Variants in ZNF420 observed in about 807,000 individuals in gnomAD.
ZNF420 encodes the protein ATM and p53-associated KZNF protein.
ZNF420 carries 31 observed loss-of-function variants against 44.7 expected under a neutral mutation model. The observed-to-expected ratio is 0.69, with a 90% CI of 0.52 to 0.94. The LOEUF is 0.94. ZNF420 is among the 40% of genes least tolerant of loss of function. The probability of loss-of-function intolerance (pLI) is 0.00; values close to 1 mark genes in which losing one functional copy is unlikely to be tolerated. For synonymous variants in ZNF420, 245 were observed against 267.4 expected, an observed-to-expected ratio of 0.92 and a Z score of 0.82; for missense variants, 681 against 827.9, an observed-to-expected ratio of 0.82 and a Z score of 2.18.
At chr19:37,020,866 T>C (rs1316641667) in intron 1 of ZNF420, among the ~76,000 whole-genome samples, 1 of 152,104 alleles carries the variant, frequency 6.6e-6, no homozygotes, top group Non-Finnish European at 1.5e-5. Context: ...AGTAGAATGG[T>C]GGTTGGCAGG....
At chr19:37,088,961 C>A in intron 2 of ZNF420, 78 bp from the exon 3 acceptor site, 1 of 695,360 alleles carries the variant, frequency 1.4e-6, no homozygotes, top group Non-Finnish European at 2.6e-6. Context: ...AAGAAAAGAA[C>A]AACAAAGATA....
Position 37,072,289 on chromosome 19 carries a change from T to C in ZNF420, c.-124-8056T>C, listed in dbSNP as rs1328985087. On this transcript the variant is annotated intron_variant, in intron 1 of 4. Coordinates refer to the ZNF420 transcript ENST00000587029. ...GCTGTGGAATTAAGACCCATTTCCA[T>C]GGTTGTCAGGGAAGCAAGGCCATCC... 3.3e-5 allele frequency among the ~76,000 whole-genome samples: 5 copies of C among 152,304 alleles called. No homozygotes were observed. In the East Asian group the frequency reaches 5.8e-4, roughly 18 times the overall value.
chr19:37,025,734 A>G (rs1250480237), intron 1 of ZNF420, among the ~76,000 whole-genome samples: 2 of 150,324 alleles, frequency 1.3e-5, no homozygotes, highest in Non-Finnish European at 3.0e-5. Flanking sequence ...TTTTACCAGG[A>G]TACCACTTAA....
At chr19:37,018,471 G>T (rs898545128) in intron 1 of ZNF420, among the ~76,000 whole-genome samples, 3 of 152,118 alleles carry the variant, frequency 2.0e-5, no homozygotes, top group Non-Finnish European at 4.4e-5. Context: ...TATCAACAAG[G>T]GTGCCAAGAT....
At chr19:37,088,908 G>C (rs35162188) in intron 2 of ZNF420, 131 bp from the exon 3 acceptor site, 1 of 557,838 alleles carries the variant, frequency 1.8e-6, no homozygotes, top group African/African-American at 1.9e-5. Context: ...CACAACATAT[G>C]TCTGTCCCCC....
chr19:37,044,289 G>C (rs1015407649), intron 1 of ZNF420, among the ~76,000 whole-genome samples: 5 of 152,180 alleles, frequency 3.3e-5, no homozygotes, highest in African/African-American at 1.2e-4. Flanking sequence ...GGCCAAGGCA[G>C]GAGGATCACT....
intron 1 of ZNF420, among the ~76,000 whole-genome samples, chr19:37,028,231 A>C (rs1318756077): frequency 2.0e-5 from 3 of 152,208 alleles, no homozygotes; most frequent in African/African-American, 4.8e-5. Context: ...AGCAAAGGGC[A>C]GATACAGATG....
intron 4 of ZNF420, among the ~76,000 whole-genome samples, chr19:37,125,785 A>G (rs73620811): frequency 0.1 from 2,937 of 29,432 alleles, 78 homozygotes; most frequent in African/African-American, 0.25. Context: ...TTGAATCACC[A>G]TAATCCAAAT....
At position 37,128,904 on chromosome 19, in the gene ZNF420, C is replaced by A; in HGVS notation, c.1913C>A (p.Thr638Asn). The A allele has an allele frequency of 6.2e-7, 1 of 1,614,066 alleles. No individual in the cohort carries two copies. Among genetic ancestry groups the A allele is most frequent in the African/African-American group, 1.3e-5 (1 of 75,020 alleles). Residue 638 changes from threonine to asparagine, a missense_variant, in exon 5 of 5, where the codon ACT becomes AAT. Coordinates refer to ENST00000337995, the MANE Select transcript of ZNF420 (RefSeq NM_144689.5). Reference protein sequence around the residue: ...SHLSRHQRIHTGEKPYQCKEC... With the variant: ...SHLSRHQRIHNGEKPYQCKEC... ...CTTTCTCGGCATCAGAGAATTCATA[C>A]TGGTGAGAAACCATATCAATGTAAG...
chr19:37,108,419 C>T (rs1970213204), intron 4 of ZNF420: 1 of 152,180 alleles, frequency 6.6e-6, no homozygotes, highest in Non-Finnish European at 1.5e-5. Flanking sequence ...TGCAAGTAAA[C>T]AATCTGCAAT....
intron 4 of ZNF420, among the ~76,000 whole-genome samples, chr19:37,123,042 C>A (rs929975986): frequency 2.0e-5 from 3 of 152,204 alleles, no homozygotes; most frequent in Non-Finnish European, 4.4e-5. Context: ...TCCAACCTTT[C>A]AGGCAAAACC....
intron 1 of ZNF420, among the ~76,000 whole-genome samples, chr19:37,052,345 C>G (rs1350045503): frequency 6.6e-6 from 1 of 151,838 alleles, no homozygotes; most frequent in Non-Finnish European, 1.5e-5. Flanking sequence ...TTAATTGGAG[C>G]ATTTAGCCCA....
intron 4 of ZNF420, among the ~76,000 whole-genome samples, chr19:37,119,531 A>T (rs891742428): frequency 4.6e-5 from 7 of 152,232 alleles, no homozygotes; most frequent in African/African-American, 1.7e-4. Context: ...AAAGATTCAA[A>T]ATGGACACCC....
chr19:37,092,011 G>T (rs912951936), intron 4 of ZNF420: 1 of 152,074 alleles, frequency 6.6e-6, no homozygotes, highest in Non-Finnish European at 1.5e-5. Context: ...AGTTGAGGGG[G>T]AACCTGTGAT....
chr19:37,017,362 C>G (rs139437664), intron 1 of ZNF420, among the ~76,000 whole-genome samples: 1 of 152,262 alleles, frequency 6.6e-6, no homozygotes, highest in Non-Finnish European at 1.5e-5. Flanking sequence ...AAGCCCCACA[C>G]AAGTGGTATG....
chr19:37,102,926 T>A (rs1969861867), intron 4 of ZNF420, among the ~76,000 whole-genome samples: 1 of 152,244 alleles, frequency 6.6e-6, no homozygotes, highest in Admixed American at 6.5e-5. Flanking sequence ...TATTTTCAAA[T>A]AATTTTGGTA....
In ZNF420 at chr19:37,127,889, A is replaced by T; in HGVS notation, c.898A>T (p.Ile300Phe). 1 of 1,613,952 alleles carries T rather than the reference A, an allele frequency of 6.2e-7. No homozygotes were observed. Among genetic ancestry groups the T allele is most frequent in the Non-Finnish European group, 8.5e-7 (1 of 1,179,954 alleles). The change falls in exon 5 of 5, where the codon ATT becomes TTT. Residue 300 changes from isoleucine to phenylalanine, a missense_variant. Coordinates refer to ENST00000337995, the MANE Select transcript of ZNF420 (RefSeq NM_144689.5). ...QLSQLILHKR[I>F]HTGEKPYECK... ...CTCACAACTTATTCTGCATAAGAGA[A>T]TTCATACCGGTGAGAAACCCTATGA... is the stretch of plus-strand genomic sequence containing the variant.
chr19:37,091,022 A>G lies in ZNF420; in HGVS notation c.37A>G (p.Ile13Val), dbSNP rs2146539247. The G allele has an allele frequency of 6.2e-7, 1 of 1,613,442 alleles. No individual in the cohort carries two copies. Among genetic ancestry groups the G allele is most frequent in the Non-Finnish European group, 8.5e-7 (1 of 1,179,806 alleles). Residue 13 changes from isoleucine to valine, a missense_variant, in exon 4 of 5, where the codon ATT (isoleucine) becomes GTT (valine). Coordinates refer to ENST00000337995, the MANE Select transcript of ZNF420 (RefSeq NM_144689.5). ...ATTAGTGATGTTCAGGGATGTTGCC[A>G]TTGACTTCTCTCAGGAAGAGTGGGA... ...RKLVMFRDVAIDFSQEEWECL... is the reference protein window; with the variant it reads ...RKLVMFRDVAVDFSQEEWECL...
At chr19:37,015,701 C>G (rs2074604322) in intron 1 of ZNF420, among the ~76,000 whole-genome samples, 1 of 152,204 alleles carries the variant, frequency 6.6e-6, no homozygotes, top group South Asian at 2.1e-4. Flanking sequence ...CTGGTTCCAA[C>G]TCATTCTCCC....
Sources: allele counts gnomAD v4.1 joint callset (sites outside exome capture counted in the v4.1 genomes callset), GRCh38; gene constraint gnomAD v4.1.1; transcripts MANE v1.5; gene names NCBI Gene and HGNC (gene_info 2026-07-23, HGNC 2026-07-21).